Variants in STAG1 observed in about 807,000 individuals in gnomAD.
STAG1 encodes cohesin subunit SA-1.
A neutral mutation model predicts 170.9 loss-of-function variants in STAG1; 26 were observed. That is an observed-to-expected ratio of 0.15 (90% CI 0.11 to 0.21). The LOEUF is 0.21. Ranked by LOEUF, STAG1 falls within the 10% of genes least tolerant of loss-of-function variation. The pLI is 1.00. For missense variants in STAG1, 964 were observed against 1,509.5 expected (o/e 0.64, Z 5.99); for synonymous variants, 514 against 497.7 (o/e 1.03, Z -0.44).
At chr3:136,389,943 T>G (rs1397322501) in intron 22 of STAG1, among the ~76,000 whole-genome samples, 1 of 151,892 alleles carries the variant, frequency 6.6e-6, no homozygotes, top group African/African-American at 2.4e-5. Flanking sequence ...GCGATTCTTC[T>G]GCCTCAGCCT....
chr3:136,499,002 A>G lies in STAG1; in HGVS notation c.902+1221T>C, dbSNP rs573942261. On this transcript the variant is annotated intron_variant, in intron 9 of 33. Coordinates refer to ENST00000383202, the MANE Select transcript of STAG1 (RefSeq NM_005862.3). Reference sequence around the variant, plus strand: ...TGCTCACATATAGCAAAATCCATGCATACTCAAGTACTACAGCTGTCTCTG... The same window carrying G: ...TGCTCACATATAGCAAAATCCATGCGTACTCAAGTACTACAGCTGTCTCTG... Among the ~76,000 whole-genome samples the G allele has an allele frequency of 3.9e-5, 6 of 152,340 alleles. No homozygotes were observed. The East Asian group carries it at 9.6e-4, about 24-fold the overall frequency.
At chr3:136,396,538 TTTTTTTTTG>T (rs2087164519) in intron 22 of STAG1, among the ~76,000 whole-genome samples, 1 of 127,596 alleles carries the variant, frequency 7.8e-6, no homozygotes, top group African/African-American at 3.0e-5. Flanking sequence ...TTTTTTTTTT[TTTTTTTTTG>T]GAGACAGTCT....
chr3:136,506,979 A>G (rs1933800868), intron 7 of STAG1, among the ~76,000 whole-genome samples: 1 of 152,204 alleles, frequency 6.6e-6, no homozygotes, highest in African/African-American at 2.4e-5. Context: ...GTGCAAAAGA[A>G]TGTATTATTT....
chr3:136,470,426 C>T (rs2089596081), intron 12 of STAG1, among the ~76,000 whole-genome samples: 1 of 152,136 alleles, frequency 6.6e-6, no homozygotes, highest in Admixed American at 6.5e-5. Flanking sequence ...CAAATCAAAA[C>T]CACAATGAGA....
At position 136,647,775 on chromosome 3, in the gene STAG1, T is replaced by C. The variant is rs973497774; in HGVS notation, c.-83-16794A>G. Among the ~76,000 whole-genome samples the C allele has an allele frequency of 5.3e-5, 8 of 152,190 alleles. No homozygotes were observed. In the East Asian group the frequency reaches 1.5e-3, roughly 29 times the overall value. ...ACATGTTAGGCACTATACACCTTGTTTTCCTTTGAAGAAAGGCAGTTTATA... is the reference window on the plus strand; with the variant it reads ...ACATGTTAGGCACTATACACCTTGTCTTCCTTTGAAGAAAGGCAGTTTATA... On this transcript the variant is annotated intron_variant, in intron 1 of 33. Transcript: ENST00000383202.
chr3:136,476,810 G>A (rs967190531), intron 10 of STAG1, among the ~76,000 whole-genome samples: 1 of 151,966 alleles, frequency 6.6e-6, no homozygotes, highest in Non-Finnish European at 1.5e-5. Context: ...ACTTATTCAG[G>A]ATTACTTATA....
rs934135438 is a variant in STAG1 at position 136,337,051 on chromosome 3, G to C, written c.*1203C>G. 1.0e-4 allele frequency: 16 copies of C among 152,576 alleles called. No homozygotes were observed. Among genetic ancestry groups the C allele is most frequent in the African/African-American group, 3.9e-4 (16 of 41,436 alleles). The allele number at this position is 152,576 out of a possible 1,614,324, so 9.5% of individuals were successfully genotyped here. On this transcript the variant is annotated 3_prime_UTR_variant, in exon 34 of 34. Transcript: ENST00000383202. Reference sequence around the variant, plus strand: ...ACTCTAAACCATTGTAGACTGTCCTGAAGATTCATAATTTCTTTCCCCAAA... The same window carrying C: ...ACTCTAAACCATTGTAGACTGTCCTCAAGATTCATAATTTCTTTCCCCAAA...
intron 23 of STAG1, among the ~76,000 whole-genome samples, chr3:136,370,759 A>G (rs1294481778): frequency 4.5e-4 from 68 of 152,230 alleles, no homozygotes; most frequent in Non-Finnish European, 2.9e-4. Flanking sequence ...CTGGTCTATC[A>G]TTGTTGGACA....
chr3:136,591,215 T>C (rs1938148361), intron 4 of STAG1, among the ~76,000 whole-genome samples: 1 of 109,504 alleles, frequency 9.1e-6, no homozygotes, highest in South Asian at 3.7e-4. Context: ...AGAGTCTTTT[T>C]TCAAAAAAAA....
intron 1 of STAG1, among the ~76,000 whole-genome samples, chr3:136,643,919 T>C (rs1940893404): frequency 6.6e-6 from 1 of 152,348 alleles, no homozygotes; most frequent in East Asian, 1.9e-4. Flanking sequence ...TAAAATTATG[T>C]GATTCGTAAA....
chr3:136,549,349 C>T (rs1936290257), intron 5 of STAG1, among the ~76,000 whole-genome samples: 2 of 151,816 alleles, frequency 1.3e-5, no homozygotes, highest in Admixed American at 6.6e-5. Context: ...TCACACTTGT[C>T]ACCCAAGCTG....
chr3:136,344,613 T>G (rs1936138633), intron 29 of STAG1, among the ~76,000 whole-genome samples: 1 of 152,082 alleles, frequency 6.6e-6, no homozygotes, highest in African/African-American at 2.4e-5. Context: ...TTACCATTCT[T>G]TGTTTAAACT....
intron 1 of STAG1, among the ~76,000 whole-genome samples, chr3:136,700,867 ATTTTTTTTCTTT>A (rs1943034959): frequency 8.7e-6 from 1 of 114,866 alleles, no homozygotes; most frequent in Non-Finnish European, 1.8e-5. Flanking sequence ...TGTGTGCTCT[ATTTTTTTTCTTT>A]TTTTTTTTTT....
intron 6 of STAG1, among the ~76,000 whole-genome samples, chr3:136,526,477 G>A (rs1446203220): frequency 1.3e-5 from 2 of 151,974 alleles, no homozygotes; most frequent in Non-Finnish European, 2.9e-5. Context: ...TTTATTTTGA[G>A]CCTACGTGTG....
At chr3:136,699,781 G>GTAAT (rs2107906353) in intron 1 of STAG1, among the ~76,000 whole-genome samples, 1 of 152,096 alleles carries the variant, frequency 6.6e-6, no homozygotes, top group East Asian at 1.9e-4. Flanking sequence ...TGATACTAAT[G>GTAAT]TAATATATAA....
intron 2 of STAG1, among the ~76,000 whole-genome samples, chr3:136,625,824 C>T (rs1463414627): frequency 6.6e-6 from 1 of 152,290 alleles, no homozygotes; most frequent in East Asian, 1.9e-4. Flanking sequence ...CATTACTTAC[C>T]CACTTGTAAA....
intron 13 of STAG1, among the ~76,000 whole-genome samples, chr3:136,453,947 G>T (rs553173337): frequency 7.9e-5 from 12 of 151,690 alleles, no homozygotes; most frequent in Non-Finnish European, 1.5e-4. Context: ...TGAGGAGGAA[G>T]GCATATTAGG....
chr3:136,478,546 A>C (rs1043337389), intron 9 of STAG1, among the ~76,000 whole-genome samples: 1 of 152,214 alleles, frequency 6.6e-6, no homozygotes, highest in Non-Finnish European at 1.5e-5. Flanking sequence ...TTAAAATTTT[A>C]AGTAATTTTT....
intron 1 of STAG1, among the ~76,000 whole-genome samples, chr3:136,751,708 A>T (rs1935252558): frequency 6.6e-6 from 1 of 151,774 alleles, no homozygotes; most frequent in South Asian, 2.1e-4. Flanking sequence ...GCCGCCGCTA[A>T]AACACCGCAG....
Sources: allele counts gnomAD v4.1 joint callset (sites outside exome capture counted in the v4.1 genomes callset), GRCh38; gene constraint gnomAD v4.1.1; transcripts MANE v1.5; gene names NCBI Gene and HGNC (gene_info 2026-07-23, HGNC 2026-07-21).